Variants in PCDHGC3 observed in about 807,000 individuals in gnomAD.
PCDHGC3 encodes the protein protocadherin gamma subfamily C, 3.
PCDHGC3 carries 26 observed loss-of-function variants against 59.2 expected under a neutral mutation model. That is an observed-to-expected ratio of 0.44 (90% CI 0.32 to 0.61). The LOEUF is 0.61. Ranked by LOEUF, PCDHGC3 falls within the 20% of genes least tolerant of loss-of-function variation. The probability of loss-of-function intolerance (pLI) is 0.05; values close to 1 mark genes in which losing one functional copy is unlikely to be tolerated. For missense variants in PCDHGC3, 1,080 were observed against 1,221.8 expected, an observed-to-expected ratio of 0.88 and a Z score of 1.73; for synonymous variants, 487 against 519.7, an observed-to-expected ratio of 0.94 and a Z score of 0.86.
chr5:141,485,074 G>C lies in PCDHGC3; in HGVS notation c.2430+6528G>C, dbSNP rs2099606548. ...GGCCGAACCGCGCCAGAGCTGGCGC[G>C]GGGAAAGGGAGATAGGTGTCTCCAG... On this transcript the variant is annotated intron_variant, in intron 1 of 3. Coordinates refer to ENST00000308177, the MANE Select transcript of PCDHGC3 (RefSeq NM_002588.4). The surrounding 1 kb of genome is among the most constrained non-coding windows in gnomAD (Gnocchi z 5.7). 1 of 926,946 alleles carries C rather than the reference G, an allele frequency of 1.1e-6. No individual in the cohort carries two copies. The highest frequency in any genetic ancestry group is 1.6e-5 in the South Asian group (1 of 62,606). The allele number at this position is 926,946 out of a possible 1,614,324, so 57.4% of individuals were successfully genotyped here.
chr5:141,486,012 A>C lies in PCDHGC3; in HGVS notation c.2430+7466A>C. The C allele has an allele frequency of 1.9e-6, 3 of 1,614,064 alleles. No homozygotes were observed. The highest frequency in any genetic ancestry group is 2.5e-6 in the Non-Finnish European group (3 of 1,179,984). On this transcript the variant is annotated intron_variant, in intron 1 of 3. Coordinates refer to ENST00000308177, the MANE Select transcript of PCDHGC3 (RefSeq NM_002588.4). The surrounding 1 kb of genome is among the most constrained non-coding windows in gnomAD (Gnocchi z 5.0). ...GGTCCCAGTGGTAACGTCACCTTTT[A>C]TTTCAGTGGTCATACCCCTGATCGT...
chr5:141,483,243 ATATATCATGAGGTTTTTTTGTT>A (rs555469799), intron 1 of PCDHGC3, among the ~76,000 whole-genome samples: 11 of 151,654 alleles, frequency 7.3e-5, no homozygotes, highest in African/African-American at 2.2e-4. Context: ...ACTGATATGC[ATATATCATGAGGTTTTTTTGTT>A]TTAGAAATAT....
chr5:141,496,192 C>T (rs942276204), intron 2 of PCDHGC3, among the ~76,000 whole-genome samples: 1 of 152,098 alleles, frequency 6.6e-6, no homozygotes, highest in Non-Finnish European at 1.5e-5. Flanking sequence ...CCCAGCTGCT[C>T]ATTTCAATCT....
chr5:141,476,596 C>T lies in PCDHGC3; in HGVS notation c.480C>T (p.His160=). 1 of 1,614,224 alleles carries T rather than the reference C, an allele frequency of 6.2e-7. No homozygotes were observed. Among genetic ancestry groups the T allele is most frequent in the Non-Finnish European group, 8.5e-7 (1 of 1,180,038 alleles). The change falls in exon 1 of 4, where the codon CAC becomes CAT. Residue 160 remains histidine, a synonymous_variant. Coordinates refer to ENST00000308177, the MANE Select transcript of PCDHGC3 (RefSeq NM_002588.4). The surrounding 1 kb of genome is among the most constrained non-coding windows in gnomAD (Gnocchi z 7.6). The stretch of plus-strand genomic sequence containing the variant: ...CGCGCTTTCCGCTCGAGAGCGCGCA[C>T]GATCCCGATGTGGGAAGCAACTCTT... ...PGTRFPLESA[H]DPDVGSNSLQ... is the part of the protein sequence containing the mutation.
In PCDHGC3 at chr5:141,505,380, A is replaced by C; in HGVS notation, c.2490-13A>C. On this transcript the variant is annotated splice_polypyrimidine_tract_variant and intron_variant, in intron 2 of 3. Coordinates refer to ENST00000308177, the MANE Select transcript of PCDHGC3 (RefSeq NM_002588.4). ...CCTGGGAGTCTGTGCTCACCATCCT[A>C]CTCTCTCCCCAGCTCCCAAAATGGC... 1 of 1,613,480 alleles carries C rather than the reference A, an allele frequency of 6.2e-7. No homozygotes were observed. Among genetic ancestry groups the C allele is most frequent in the Non-Finnish European group, 8.5e-7 (1 of 1,179,856 alleles).
In PCDHGC3 at chr5:141,511,035, C is replaced by T. The variant is rs373005862; in HGVS notation, c.2667C>T (p.His889=). Residue 889 remains histidine (H), a synonymous_variant, in exon 4 of 4, where the codon CAC becomes CAT. Transcript: ENST00000308177. ...ACGGACCCCAGTTCACCCTGCAGCA[C>T]GTGCCCGACTACCGCCAGAATGTCT... ...ARYGPQFTLQ[H]VPDYRQNVYI... The T allele has an allele frequency of 1.7e-5, 27 of 1,614,208 alleles. No individual in the cohort carries two copies. The African/African-American group carries it at 2.9e-4, about 18-fold the overall frequency.
In PCDHGC3 at chr5:141,494,027, G is replaced by A. The variant is rs77020157; in HGVS notation, c.2431-780G>A. 1.5e-4 allele frequency among the ~76,000 whole-genome samples: 23 copies of A among 152,298 alleles called. No homozygotes were observed. In the East Asian group the frequency reaches 3.3e-3, roughly 22 times the overall value. ...ACACATCAGCCCCTTGGGAGCCCTGGAGACTTAGTTGGCCCTGCTTGGAGG... is the reference window on the plus strand; with the variant it reads ...ACACATCAGCCCCTTGGGAGCCCTGAAGACTTAGTTGGCCCTGCTTGGAGG... On this transcript the variant is annotated intron_variant, in intron 1 of 3. Coordinates refer to ENST00000308177, the MANE Select transcript of PCDHGC3 (RefSeq NM_002588.4).
Position 141,487,931 on chromosome 5 carries a change from G to A in PCDHGC3, c.2431-6876G>A. The stretch of plus-strand genomic sequence containing the variant: ...AGCACAGGAGGCTACAGTGCACAGG[G>A]TACAGTGCACCAGGCAGTCACTTGG... On this transcript the variant is annotated intron_variant, in intron 1 of 3. Transcript: ENST00000308177. The surrounding 1 kb of genome is among the most constrained non-coding windows in gnomAD (Gnocchi z 5.0). The A allele has an allele frequency of 1.6e-6, 1 of 612,954 alleles. No homozygotes were observed. The highest frequency in any genetic ancestry group is 2.8e-6 in the Non-Finnish European group (1 of 351,318). 38.0% of individuals were successfully genotyped at this position (612,954 alleles called of 1,614,324 possible). A position where few individuals can be genotyped will look rare whatever the true frequency, so the allele number is the denominator to read the frequency against.
rs754881921 is a variant in PCDHGC3, at chr5:141,478,500, T to C, written c.2384T>C (p.Val795Ala). Reference sequence around the variant, plus strand: ...AACACGCTGCGGAGCTGTGATCCGGTGTTCTATAGGCAGGTGTTGGGTGCA... The same window carrying C: ...AACACGCTGCGGAGCTGTGATCCGGCGTTCTATAGGCAGGTGTTGGGTGCA... The part of the protein sequence containing the change: ...RQNTLRSCDP[V>A]FYRQVLGAES... Residue 795 changes from valine to alanine, a missense_variant, in exon 1 of 4, where the codon GTG (valine) becomes GCG (alanine). By Grantham distance (64) the Val-to-Ala change is moderately conservative. Coordinates refer to ENST00000308177, the MANE Select transcript of PCDHGC3 (RefSeq NM_002588.4). 16 of 1,612,740 alleles carry C rather than the reference T, an allele frequency of 9.9e-6. No homozygotes were observed. The highest frequency in any genetic ancestry group is 1.4e-5 in the Non-Finnish European group (16 of 1,179,320).
chr5:141,495,323 G>C (rs1029646773), intron 2 of PCDHGC3, among the ~76,000 whole-genome samples: 2 of 152,214 alleles, frequency 1.3e-5, no homozygotes, highest in African/African-American at 4.8e-5. Context: ...AGCCGAGGCT[G>C]ACTGCAGCCT....
Position 141,510,960 on chromosome 5 carries a change from G to T in PCDHGC3, c.2592G>T (p.Gly864=). The T allele has an allele frequency of 6.2e-7, 1 of 1,614,120 alleles. No individual in the cohort carries two copies. The highest frequency in any genetic ancestry group is 1.3e-5 in the African/African-American group (1 of 75,022). ...ILASASEAAD[G]SSTLGGGAGT... is the part of the protein sequence containing the mutation. ...CTGTCTCTGCAGAAGCTGCTGATGG[G>T]AGCTCCACCCTGGGAGGGGGTGCCG... Residue 864 remains glycine, a synonymous_variant, in exon 4 of 4, where the codon GGG becomes GGT. Transcript: ENST00000308177.
intron 2 of PCDHGC3, among the ~76,000 whole-genome samples, chr5:141,498,882 G>A (rs1287566657): frequency 6.8e-6 from 1 of 147,420 alleles, no homozygotes; most frequent in African/African-American, 2.5e-5. Context: ...GCAGTGAGCT[G>A]AGATCACACC....
Position 141,486,098 on chromosome 5 carries a change from G to A in PCDHGC3, c.2430+7552G>A, listed in dbSNP as rs1211678224. ...AAAGCTTACTCTTTTGGGGCCCCTA[G>A]ACTTTGAGAGTGAGAATTACTATGA... On this transcript the variant is annotated intron_variant, in intron 1 of 3. Transcript: ENST00000308177. This position sits in a 1 kb window ranked among gnomAD's most constrained non-coding sequence, Gnocchi z 5.0. 5.0e-6 allele frequency: 8 copies of A among 1,614,032 alleles called. No homozygotes were observed. Among genetic ancestry groups the A allele is most frequent in the Admixed American group, 3.3e-5 (2 of 59,994 alleles).
chr5:141,481,877 G>A (rs535267598), intron 1 of PCDHGC3, among the ~76,000 whole-genome samples: 4 of 144,402 alleles, frequency 2.8e-5, no homozygotes, highest in African/African-American at 7.8e-5. Context: ...TCGCGCCACT[G>A]CACTCCAGCC....
At position 141,493,235 on chromosome 5, in the gene PCDHGC3, T is replaced by G. The variant is rs541360337; in HGVS notation, c.2431-1572T>G. Among the ~76,000 whole-genome samples the G allele has an allele frequency of 6.6e-6, 1 of 152,352 alleles. No homozygotes were observed. The highest frequency in any genetic ancestry group is 1.5e-5 in the Non-Finnish European group (1 of 68,036). On this transcript the variant is annotated intron_variant, in intron 1 of 3. Transcript: ENST00000308177. This position sits in a 1 kb window ranked among gnomAD's most constrained non-coding sequence, Gnocchi z 4.3. ...TGCTCTTCCCACCATTGCTGTTGGC[T>G]AGGTACTAACATGCCTCTCTTATAA...
chr5:141,493,206 C>A lies in PCDHGC3; in HGVS notation c.2431-1601C>A, dbSNP rs191090598. Among the ~76,000 whole-genome samples the A allele has an allele frequency of 2.4e-3, 368 of 152,322 alleles. 2 individuals carry two copies. Among genetic ancestry groups the A allele is most frequent in the Admixed American group, 4.5e-3 (69 of 15,296 alleles). On this transcript the variant is annotated intron_variant, in intron 1 of 3. Transcript: ENST00000308177. This position sits in a 1 kb window ranked among gnomAD's most constrained non-coding sequence, Gnocchi z 4.3. ...TATAACTCCTTTGAGAACCTCATCT[C>A]ATTTGCTCTTCCCACCATTGCTGTT...
chr5:141,476,438 C>G lies in PCDHGC3; in HGVS notation c.322C>G (p.Leu108Val). The change falls in exon 1 of 4, where the codon CTG becomes GTG. Residue 108 changes from leucine (L) to valine (V), a missense_variant. Leu to Val is a conservative substitution (Grantham distance 32). Coordinates refer to ENST00000308177, the MANE Select transcript of PCDHGC3 (RefSeq NM_002588.4). This position sits in a 1 kb window ranked among gnomAD's most constrained non-coding sequence, Gnocchi z 7.6. The stretch of plus-strand genomic sequence containing the variant: ...GACACTGCCCTCTTGCACTGTAACT[C>G]TGGAGTTGGTAGTGGAGAACCCGCT... ...CGTLPSCTVT[L>V]ELVVENPLEL... 1 of 1,614,090 alleles carries G rather than the reference C, an allele frequency of 6.2e-7. No homozygotes were observed. Among genetic ancestry groups the G allele is most frequent in the Non-Finnish European group, 8.5e-7 (1 of 1,180,026 alleles).
At chr5:141,479,189 G>A (rs1466742057) in intron 1 of PCDHGC3, 3 of 152,358 alleles carry the variant, frequency 2.0e-5, no homozygotes, top group African/African-American at 7.2e-5. Flanking sequence ...AGAAAATTCA[G>A]AAAATACAGA....
In PCDHGC3 at chr5:141,476,574, G is replaced by C. The variant is rs746783993; in HGVS notation, c.458G>C (p.Arg153Pro). The C allele has an allele frequency of 1.1e-5, 18 of 1,614,084 alleles. No homozygotes were observed. The Admixed American group carries it at 1.8e-4, about 16-fold the overall frequency. The change falls in exon 1 of 4, where the codon CGC becomes CCC. Residue 153 changes from arginine to proline, a missense_variant. Coordinates refer to ENST00000308177, the MANE Select transcript of PCDHGC3 (RefSeq NM_002588.4). The surrounding 1 kb of genome is among the most constrained non-coding windows in gnomAD (Gnocchi z 7.6). ...EISEAVAPGT[R>P]FPLESAHDPD... ...AGCGAGGCCGTGGCTCCGGGGACGC[G>C]CTTTCCGCTCGAGAGCGCGCACGAT...
Sources: gnomAD v4.1 joint callset for allele counts (sites outside exome capture counted in the v4.1 genomes callset) on GRCh38, gnomAD v4.1.1 for gene constraint, Gnocchi (gnomAD v3.1) non-coding constraint, MANE v1.5 for transcripts, NCBI Gene and HGNC (gene_info 2026-07-23, HGNC 2026-07-21) for gene names.